KCNK3: variants seen among roughly 807,000 people sequenced by gnomAD.
The protein encoded by KCNK3 is potassium two pore domain channel subfamily K member 3.
KCNK3 carries 9 observed loss-of-function variants against 27.3 expected under a neutral mutation model. That is an observed-to-expected ratio of 0.33 (90% CI 0.20 to 0.57). KCNK3 has a LOEUF of 0.57. KCNK3 is among the 20% of genes least tolerant of loss of function. The probability of loss-of-function intolerance (pLI) is 0.87; values close to 1 mark genes in which losing one functional copy is unlikely to be tolerated. For missense variants in KCNK3, 391 were observed against 577.7 expected, an observed-to-expected ratio of 0.68 and a Z score of 3.31; for synonymous variants, 278 against 273.8, an observed-to-expected ratio of 1.02 and a Z score of -0.15.
chr2:26,707,455 AG>A (rs1399441222), intron 1 of KCNK3, among the ~76,000 whole-genome samples: 2 of 152,236 alleles, frequency 1.3e-5, no homozygotes, highest in African/African-American at 4.8e-5. Context: ...CAAGGCTGCC[AG>A]GGTACCGGGA....
intron 1 of KCNK3, among the ~76,000 whole-genome samples, chr2:26,713,823 C>CCTGG (rs1663174306): frequency 6.6e-6 from 1 of 150,770 alleles, no homozygotes; most frequent in African/African-American, 2.4e-5. Context: ...CACTTGTAAT[C>CCTGG]CCAGCACTTT....
At chr2:26,716,170 G>A (rs897990576) in intron 1 of KCNK3, among the ~76,000 whole-genome samples, 1 of 152,122 alleles carries the variant, frequency 6.6e-6, no homozygotes, top group African/African-American at 2.4e-5. Context: ...GAAAAAAACT[G>A]CCTTTGAATT....
chr2:26,712,058 C>A (rs972718923), intron 1 of KCNK3, among the ~76,000 whole-genome samples: 1 of 152,184 alleles, frequency 6.6e-6, no homozygotes, highest in Admixed American at 6.5e-5. Flanking sequence ...TCCTCTTATA[C>A]CCTGGCCTGG....
At chr2:26,696,309 C>A (rs942523204) in intron 1 of KCNK3, among the ~76,000 whole-genome samples, 5 of 152,244 alleles carry the variant, frequency 3.3e-5, no homozygotes, top group Non-Finnish European at 7.3e-5. Context: ...GCGGCTCCCC[C>A]AGTCACCCAG....
chr2:26,718,478 T>C (rs1474812854), intron 1 of KCNK3, among the ~76,000 whole-genome samples: 1 of 152,220 alleles, frequency 6.6e-6, no homozygotes, highest in Admixed American at 6.5e-5. Flanking sequence ...TAATAGTTTT[T>C]TGTAGTGAAG....
At position 26,721,558 on chromosome 2, in the gene KCNK3, G is replaced by C. The variant is rs184199244; in HGVS notation, c.284-6109G>C. Among the ~76,000 whole-genome samples the C allele has an allele frequency of 1.3e-3, 201 of 152,326 alleles. 1 individual carries two copies. Among genetic ancestry groups the C allele is most frequent in the African/African-American group, 3.8e-3 (157 of 41,582 alleles). On this transcript the variant is annotated intron_variant, in intron 1 of 1. Transcript: ENST00000302909. The surrounding 1 kb of genome is among the most constrained non-coding windows in gnomAD (Gnocchi z 4.3). ...GGGCGGCTCCATGTCTGTGCCTCAG[G>C]CGCCTGAGCTGGTTCCTCGTGGGCC...
Position 26,693,221 on chromosome 2 carries a change from C to A in KCNK3, c.283+63C>A. ...TGGGCGCGGGGCTCCGGGAGTCGTC[C>A]GGGGCCGGCTGGGGCTGGGGGCGGG... is the stretch of plus-strand genomic sequence containing the variant. On this transcript the variant is annotated intron_variant, in intron 1 of 1. Coordinates refer to ENST00000302909, the MANE Select transcript of KCNK3 (RefSeq NM_002246.3). This position sits in a 1 kb window ranked among gnomAD's most constrained non-coding sequence, Gnocchi z 5.5. The A allele has an allele frequency of 3.3e-6, 1 of 306,988 alleles. No homozygotes were observed. The highest frequency in any genetic ancestry group is 5.5e-6 in the Non-Finnish European group (1 of 182,562). The allele number at this position is 306,988 out of a possible 1,614,324, so 19.0% of individuals were successfully genotyped here.
At chr2:26,722,264 C>T (rs971294153) in intron 1 of KCNK3, among the ~76,000 whole-genome samples, 5 of 152,222 alleles carry the variant, frequency 3.3e-5, no homozygotes, top group African/African-American at 4.8e-5. Context: ...CAGTTGTTAA[C>T]ATTCCATGGA....
At chr2:26,719,802 G>A (rs1663294779) in intron 1 of KCNK3, among the ~76,000 whole-genome samples, 1 of 152,174 alleles carries the variant, frequency 6.6e-6, no homozygotes, top group African/African-American at 2.4e-5. Flanking sequence ...ACCAGCCCTT[G>A]TTACTCCTTG....
chr2:26,718,488 G>T (rs964592615), intron 1 of KCNK3, among the ~76,000 whole-genome samples: 10 of 152,118 alleles, frequency 6.6e-5, no homozygotes, highest in African/African-American at 2.4e-4. Context: ...TTGTAGTGAA[G>T]AATTTATAAG....
intron 1 of KCNK3, among the ~76,000 whole-genome samples, chr2:26,712,146 G>A (rs1345296797): frequency 1.3e-5 from 2 of 152,198 alleles, no homozygotes; most frequent in Non-Finnish European, 2.9e-5. Flanking sequence ...GAGGCCACTG[G>A]AAAGGCTGGA....
chr2:26,726,240 T>C, intron 1 of KCNK3, among the ~76,000 whole-genome samples: 1 of 151,694 alleles, frequency 6.6e-6, no homozygotes, highest in East Asian at 1.9e-4. Flanking sequence ...AATGTGGAGG[T>C]AGAAGCTAGA....
chr2:26,720,677 C>A (rs1558602202), intron 1 of KCNK3, among the ~76,000 whole-genome samples: 1 of 151,886 alleles, frequency 6.6e-6, no homozygotes. Context: ...AGTGGGGAGT[C>A]CAGGAGGAAG....
In KCNK3 at chr2:26,727,871, GCTT is replaced by G; in HGVS notation, c.494_496del (p.Phe165del). 6.2e-7 allele frequency: 1 copy of G among 1,614,164 alleles called. No homozygotes were observed. The highest frequency in any genetic ancestry group is 1.3e-5 in the African/African-American group (1 of 75,078). ...TCCATGGCCAACATGGTGCTCATCG[GCTT>G]CTTCTCGTGCATCAGCACGCTGTGC... On this transcript the variant is annotated inframe_deletion, in exon 2 of 2. Coordinates refer to ENST00000302909, the MANE Select transcript of KCNK3 (RefSeq NM_002246.3).
chr2:26,695,796 C>A (rs1558593472), intron 1 of KCNK3, among the ~76,000 whole-genome samples: 1 of 152,212 alleles, frequency 6.6e-6, no homozygotes, highest in African/African-American at 2.4e-5. Flanking sequence ...GGGGGAGAGG[C>A]AGACAGAGTG....
rs566051160 is a variant in KCNK3, at chr2:26,697,822, G to A, written c.283+4664G>A. Among the ~76,000 whole-genome samples the A allele has an allele frequency of 1.6e-4, 24 of 152,146 alleles. No homozygotes were observed. In the East Asian group the frequency reaches 3.3e-3, roughly 21 times the overall value. On this transcript the variant is annotated intron_variant, in intron 1 of 1. Coordinates refer to ENST00000302909, the MANE Select transcript of KCNK3 (RefSeq NM_002246.3). The stretch of plus-strand genomic sequence containing the variant: ...TGTGCTCAGCTGAGCACCACCTCCC[G>A]TCACCCACCACATGGCCTGAGAACC...
At chr2:26,713,047 A>C (rs984260786) in intron 1 of KCNK3, among the ~76,000 whole-genome samples, 1 of 152,316 alleles carries the variant, frequency 6.6e-6, no homozygotes, top group Non-Finnish European at 1.5e-5. Flanking sequence ...CCATTCATCA[A>C]GACTAGCTTC....
chr2:26,700,619 C>T (rs373576337), intron 1 of KCNK3, among the ~76,000 whole-genome samples: 17 of 152,300 alleles, frequency 1.1e-4, no homozygotes, highest in African/African-American at 3.8e-4. Context: ...GTGAAGGGGC[C>T]ATGTGGCTGC....
chr2:26,700,886 T>A (rs953500244), intron 1 of KCNK3, among the ~76,000 whole-genome samples: 2 of 152,220 alleles, frequency 1.3e-5, no homozygotes, highest in African/African-American at 4.8e-5. Flanking sequence ...TCCTCCCATC[T>A]GTATAGAGGA....
Sources: allele counts gnomAD v4.1 joint callset (sites outside exome capture counted in the v4.1 genomes callset), GRCh38; gene constraint gnomAD v4.1.1; non-coding constraint Gnocchi (gnomAD v3.1); transcripts MANE v1.5; gene names NCBI Gene and HGNC (gene_info 2026-07-23, HGNC 2026-07-21).